CNTNAP2: variants seen among roughly 807,000 people sequenced by gnomAD.
CNTNAP2 encodes the protein contactin-associated protein-like 2.
A neutral mutation model predicts 155.2 loss-of-function variants in CNTNAP2; 98 were observed. The observed-to-expected ratio is 0.63, with a 90% CI of 0.54 to 0.75. The LOEUF is 0.75. Ranked by LOEUF, CNTNAP2 falls within the 30% of genes least tolerant of loss-of-function variation. CNTNAP2 has a pLI of 0.00. For synonymous variants in CNTNAP2, 651 were observed against 631.2 expected (o/e 1.03, Z -0.47); for missense variants, 1,727 against 1,688.1 (o/e 1.02, Z -0.40).
intron 20 of CNTNAP2, among the ~76,000 whole-genome samples, chr7:148,256,506 C>T (rs1796456192): frequency 6.6e-6 from 1 of 152,160 alleles, no homozygotes; most frequent in Non-Finnish European, 1.5e-5. Context: ...GCCACCTCTC[C>T]TCTCTTACAC....
chr7:147,906,993 C>A (rs576739086), intron 14 of CNTNAP2, among the ~76,000 whole-genome samples: 4 of 152,086 alleles, frequency 2.6e-5, no homozygotes, highest in Admixed American at 1.3e-4. Context: ...CCTTTGCTTC[C>A]GTAAAGTTTG....
chr7:146,642,236 C>T (rs917679661), intron 1 of CNTNAP2, among the ~76,000 whole-genome samples: 3 of 151,230 alleles, frequency 2.0e-5, no homozygotes, highest in Non-Finnish European at 4.4e-5. Context: ...TATACATGTG[C>T]CATGCTGGTG....
chr7:148,187,533 A>T (rs1795139372), intron 18 of CNTNAP2, among the ~76,000 whole-genome samples: 1 of 152,228 alleles, frequency 6.6e-6, no homozygotes, highest in Admixed American at 6.5e-5. Flanking sequence ...GATGATGGAA[A>T]TTCTAAAATC....
At chr7:146,574,391 AC>A (rs1308176896) in intron 1 of CNTNAP2, among the ~76,000 whole-genome samples, 2 of 152,292 alleles carry the variant, frequency 1.3e-5, no homozygotes, top group Non-Finnish European at 2.9e-5. Flanking sequence ...ATTAATTAAT[AC>A]CAACTGGTTC....
intron 13 of CNTNAP2, among the ~76,000 whole-genome samples, chr7:147,681,052 T>A (rs1795941456): frequency 6.6e-6 from 1 of 152,006 alleles, no homozygotes; most frequent in Admixed American, 6.6e-5. Context: ...CTGTTCCACA[T>A]AAAGAAATTC....
chr7:147,126,976 C>T (rs1461275693), intron 6 of CNTNAP2, among the ~76,000 whole-genome samples: 1 of 152,002 alleles, frequency 6.6e-6, no homozygotes, highest in East Asian at 1.9e-4. Flanking sequence ...ATTTGAATCC[C>T]CTGCAGAAAG....
intron 19 of CNTNAP2, among the ~76,000 whole-genome samples, chr7:148,228,386 A>T (rs1795895635): frequency 6.6e-6 from 1 of 152,174 alleles, no homozygotes; most frequent in Admixed American, 6.5e-5. Context: ...CTGTTGAGGC[A>T]AAGTGAACTA....
chr7:148,155,365 C>T (rs757919029), intron 17 of CNTNAP2, among the ~76,000 whole-genome samples: 3 of 152,104 alleles, frequency 2.0e-5, no homozygotes, highest in East Asian at 1.9e-4. Flanking sequence ...CAGTCGAGCT[C>T]GCCTCCACTT....
intron 3 of CNTNAP2, among the ~76,000 whole-genome samples, chr7:146,951,720 G>C (rs927505430): frequency 1.3e-5 from 2 of 152,082 alleles, no homozygotes; most frequent in South Asian, 4.2e-4. Flanking sequence ...TTTGAAGTCA[G>C]GTAGTGTGAT....
chr7:147,583,697 T>C (rs916198948), intron 12 of CNTNAP2, among the ~76,000 whole-genome samples: 8 of 152,096 alleles, frequency 5.3e-5, no homozygotes, highest in African/African-American at 1.7e-4. Flanking sequence ...ACCAAAGTAC[T>C]CACAGCATAT....
chr7:147,116,239 G>GTGTGCC, intron 5 of CNTNAP2, among the ~76,000 whole-genome samples: 1 of 152,214 alleles, frequency 6.6e-6, no homozygotes. Context: ...GCTGGCCCAA[G>GTGTGCC]TGTGCCTGGA....
intron 1 of CNTNAP2, among the ~76,000 whole-genome samples, chr7:146,436,968 C>A (rs1391609105): frequency 6.6e-6 from 1 of 151,422 alleles, no homozygotes; most frequent in Non-Finnish European, 1.5e-5. Context: ...TAATTCTAAA[C>A]CATGGGTCCC....
intron 21 of CNTNAP2, among the ~76,000 whole-genome samples, chr7:148,288,519 A>G (rs758215630): frequency 9.2e-5 from 14 of 152,320 alleles, no homozygotes; most frequent in Admixed American, 2.6e-4. Flanking sequence ...ATGAATTTAG[A>G]GATTAAGTGT....
chr7:147,263,724 G>A (rs999415558), intron 8 of CNTNAP2, among the ~76,000 whole-genome samples: 8 of 152,196 alleles, frequency 5.3e-5, no homozygotes, highest in Non-Finnish European at 1.2e-4. Context: ...TGGTCCTATA[G>A]TATAGAAATC....
At chr7:146,992,417 G>T (rs1798224999) in intron 3 of CNTNAP2, among the ~76,000 whole-genome samples, 1 of 152,098 alleles carries the variant, frequency 6.6e-6, no homozygotes, top group African/African-American at 2.4e-5. Context: ...GAAAAATTAG[G>T]CTCACAGACA....
chr7:146,876,017 G>T (rs1210827103), intron 3 of CNTNAP2, among the ~76,000 whole-genome samples: 1 of 149,554 alleles, frequency 6.7e-6, no homozygotes, highest in Non-Finnish European at 1.5e-5. Flanking sequence ...GGCAGGAGTT[G>T]CAGTACAGCT....
At chr7:146,830,657 G>A (rs1377050804) in intron 2 of CNTNAP2, among the ~76,000 whole-genome samples, 1 of 152,112 alleles carries the variant, frequency 6.6e-6, no homozygotes, top group Non-Finnish European at 1.5e-5. Flanking sequence ...TTCAAAATGA[G>A]TAGCTTTGTT....
At chr7:148,267,832 C>T (rs1339591663) in intron 21 of CNTNAP2, among the ~76,000 whole-genome samples, 4 of 152,128 alleles carry the variant, frequency 2.6e-5, no homozygotes, top group African/African-American at 2.4e-5. Flanking sequence ...CTATTACAGA[C>T]CTCTACCTAC....
At chr7:148,246,350 A>G (rs2116807400) in intron 20 of CNTNAP2, among the ~76,000 whole-genome samples, 1 of 152,346 alleles carries the variant, frequency 6.6e-6, no homozygotes, top group Middle Eastern at 3.4e-3. Flanking sequence ...ACCACATAAA[A>G]TGAGTTCATT....
Sources: gnomAD v4.1 joint callset for allele counts (sites outside exome capture counted in the v4.1 genomes callset) on GRCh38, gnomAD v4.1.1 for gene constraint, MANE v1.5 for transcripts, NCBI Gene and HGNC (gene_info 2026-07-23, HGNC 2026-07-21) for gene names.